SHANK2: variants seen among roughly 807,000 people sequenced by gnomAD.
The protein encoded by SHANK2 is SH3 and multiple ankyrin repeat domains protein 2.
SHANK2 carries 43 observed loss-of-function variants against 133.7 expected under a neutral mutation model. The observed-to-expected ratio is 0.32, with a 90% CI of 0.25 to 0.41. The LOEUF (loss-of-function observed/expected upper bound fraction) is 0.41. Among genes scored for constraint, SHANK2 ranks in the 10% least tolerant of loss-of-function variants. SHANK2 has a pLI of 1.00. For missense variants in SHANK2, 1,994 were observed against 2,235.8 expected, an observed-to-expected ratio of 0.89 and a Z score of 2.18; for synonymous variants, 1,017 against 952.8, an observed-to-expected ratio of 1.07 and a Z score of -1.24.
chr11:70,863,715 T>C, intron 11 of SHANK2: 1 of 430,010 alleles, frequency 2.3e-6, no homozygotes, highest in Non-Finnish European at 4.7e-6. Flanking sequence ...GGCCTCTTTA[T>C]TTGGAGATGA....
intron 13 of SHANK2, among the ~76,000 whole-genome samples, chr11:70,805,195 T>G (rs1212810101): frequency 6.6e-6 from 1 of 152,082 alleles, no homozygotes. Flanking sequence ...TGGGCATCAG[T>G]GAGCTCCAAA....
At chr11:70,876,585 T>TTA (rs1268372254) in intron 11 of SHANK2, among the ~76,000 whole-genome samples, 4 of 114,852 alleles carry the variant, frequency 3.5e-5, no homozygotes, top group African/African-American at 1.3e-4. Context: ...AAGAAAAAAA[T>TTA]TATACACACA....
chr11:70,715,880 G>A (rs1243332107), intron 14 of SHANK2, among the ~76,000 whole-genome samples: 7 of 152,186 alleles, frequency 4.6e-5, no homozygotes, highest in African/African-American at 1.7e-4. Flanking sequence ...GAGGGGTGGG[G>A]TATTGTGGCC....
chr11:70,816,858 T>C (rs1170659190), intron 12 of SHANK2, among the ~76,000 whole-genome samples: 1 of 152,222 alleles, frequency 6.6e-6, no homozygotes, highest in Non-Finnish European at 1.5e-5. Flanking sequence ...CTCCCCTGGC[T>C]GTACCTTGTT....
intron 11 of SHANK2, among the ~76,000 whole-genome samples, chr11:70,881,586 A>G (rs1174208918): frequency 1.4e-5 from 2 of 145,788 alleles, no homozygotes; most frequent in African/African-American, 2.5e-5. Flanking sequence ...AATAATAATA[A>G]TAATAATAAT....
chr11:70,943,499 A>G (rs896203234), intron 10 of SHANK2, among the ~76,000 whole-genome samples: 1 of 152,116 alleles, frequency 6.6e-6, no homozygotes, highest in Non-Finnish European at 1.5e-5. Flanking sequence ...ATGCAAACAG[A>G]GATGGCAATG....
At chr11:71,114,022 G>A (rs951642505) in intron 4 of SHANK2, among the ~76,000 whole-genome samples, 9 of 152,232 alleles carry the variant, frequency 5.9e-5, no homozygotes, top group Admixed American at 2.6e-4. Context: ...CCAGCCCCCC[G>A]CTTGGCTGGA....
chr11:71,168,201 AG>A (rs1555111530), intron 2 of SHANK2, among the ~76,000 whole-genome samples: 3 of 133,220 alleles, frequency 2.3e-5, no homozygotes, highest in African/African-American at 9.2e-5. Flanking sequence ...GGCAGGGCAG[AG>A]GTGCTCCCCA....
At chr11:70,692,104 T>G (rs1945301834) in intron 15 of SHANK2, among the ~76,000 whole-genome samples, 1 of 152,080 alleles carries the variant, frequency 6.6e-6, no homozygotes, top group Non-Finnish European at 1.5e-5. Context: ...TACTCAGGGA[T>G]AAAGCCTTCT....
intron 15 of SHANK2, among the ~76,000 whole-genome samples, chr11:70,696,964 C>T (rs137985487): frequency 6.6e-6 from 1 of 152,216 alleles, no homozygotes; most frequent in African/African-American, 2.4e-5. Flanking sequence ...CACGCTACAA[C>T]ACGAATGAAC....
intron 17 of SHANK2, among the ~76,000 whole-genome samples, chr11:70,538,190 A>C (rs1217506256): frequency 5.3e-5 from 8 of 152,060 alleles, no homozygotes; most frequent in African/African-American, 1.9e-4. Context: ...GAGTCACCCC[A>C]CCCGGGGGCT....
chr11:70,516,687 G>A (rs2059270119), intron 17 of SHANK2, among the ~76,000 whole-genome samples: 1 of 152,194 alleles, frequency 6.6e-6, no homozygotes, highest in Non-Finnish European at 1.5e-5. Flanking sequence ...GAAAATCTTT[G>A]CAAAACAAAC....
chr11:71,089,889 G>A (rs1951477280), intron 8 of SHANK2, among the ~76,000 whole-genome samples: 1 of 152,206 alleles, frequency 6.6e-6, no homozygotes, highest in Admixed American at 6.5e-5. Flanking sequence ...AAAGGGGGAA[G>A]AGGTCAAGGG....
At chr11:70,731,768 C>T (rs909420472) in intron 14 of SHANK2, among the ~76,000 whole-genome samples, 21 of 152,216 alleles carry the variant, frequency 1.4e-4, no homozygotes, top group African/African-American at 5.1e-4. Flanking sequence ...GGGCTCTCTT[C>T]TTTCTTGAGC....
At chr11:70,660,699 TCA>T (rs2061473220) in intron 16 of SHANK2, among the ~76,000 whole-genome samples, 1 of 152,038 alleles carries the variant, frequency 6.6e-6, no homozygotes, top group Admixed American at 6.5e-5. Context: ...GGAGAGCAAA[TCA>T]CACAGACAGG....
chr11:70,883,026 C>T (rs2135586849), intron 11 of SHANK2, among the ~76,000 whole-genome samples: 1 of 152,238 alleles, frequency 6.6e-6, no homozygotes, highest in African/African-American at 2.4e-5. Flanking sequence ...TTATGGGCAG[C>T]CTTAGCAGGA....
intron 10 of SHANK2, chr11:70,948,175 C>T (rs539247074): frequency 1.7e-5 from 7 of 416,338 alleles, no homozygotes; most frequent in Admixed American, 5.1e-5. Flanking sequence ...CGGCTCCCAG[C>T]GTGAAGGAAA....
intron 8 of SHANK2, among the ~76,000 whole-genome samples, chr11:71,079,895 G>A (rs1951273424): frequency 2.7e-5 from 2 of 73,874 alleles, no homozygotes; most frequent in African/African-American, 1.0e-4. Context: ...GGGAGGGGAA[G>A]GAAGGGGAGG....
chr11:70,760,630 G>A (rs909913797), intron 14 of SHANK2, among the ~76,000 whole-genome samples: 1 of 152,250 alleles, frequency 6.6e-6, no homozygotes, highest in African/African-American at 2.4e-5. Flanking sequence ...GAGGGGACTC[G>A]ATGAATCCCT....
Sources: allele counts gnomAD v4.1 joint callset (sites outside exome capture counted in the v4.1 genomes callset), GRCh38; gene constraint gnomAD v4.1.1; transcripts MANE v1.5; gene names NCBI Gene and HGNC (gene_info 2026-07-23, HGNC 2026-07-21).